Variants in ENTPD1 observed in about 807,000 individuals in gnomAD.
ENTPD1 encodes ectonucleoside triphosphate diphosphohydrolase 1.
ENTPD1 carries 33 observed loss-of-function variants against 57.0 expected under a neutral mutation model. The observed-to-expected ratio is 0.58, with a 90% CI of 0.44 to 0.77. ENTPD1 has a LOEUF of 0.77. ENTPD1 is among the 30% of genes least tolerant of loss of function. ENTPD1 has a pLI of 0.00. For synonymous variants in ENTPD1, 202 were observed against 218.8 expected (o/e 0.92, Z 0.68); for missense variants, 501 against 603.4 (o/e 0.83, Z 1.78).
chr10:95,709,678 T>C (rs6584015), upstream of ENTPD1, among the ~76,000 whole-genome samples: 127,665 of 151,908 alleles, frequency 0.84, 54,201 homozygotes, highest in Non-Finnish European at 0.91. Flanking sequence ...CCACCGGGCC[T>C]GGGCCTCTTG....
intron 1 of ENTPD1, among the ~76,000 whole-genome samples, chr10:95,822,614 T>C (rs1317944145): frequency 6.6e-6 from 1 of 152,166 alleles, no homozygotes; most frequent in Non-Finnish European, 1.5e-5. Flanking sequence ...TTTTATATAA[T>C]TCTACTATTG....
rs2098353324 is a variant in ENTPD1 at position 95,821,949 on chromosome 10, C to T, written c.17-1288C>T. 2.0e-5 allele frequency among the ~76,000 whole-genome samples: 3 copies of T among 150,076 alleles called. No individual in the cohort carries two copies. In the South Asian group the frequency reaches 6.3e-4, roughly 32 times the overall value. On this transcript the variant is annotated intron_variant, in intron 1 of 9. Transcript: ENST00000371205. ...TGGTGCAACCATTTCATTTCCTGTT[C>T]ACTTCCTCTATGCAATCTGTTTACA...
Position 95,872,010 on chromosome 10 carries a change from T to C in ENTPD1, c.*5627T>C. ...CTCCTCCTGTGTTTTACATGATTAA[T>C]GCCACCCCTGCCTCAATGAACCAAG... On this transcript the variant is annotated 3_prime_UTR_variant, in exon 10 of 10. Transcript: ENST00000371205. 1.0e-6 allele frequency: 1 copy of C among 985,434 alleles called. No homozygotes were observed. Among genetic ancestry groups the C allele is most frequent in the Non-Finnish European group, 1.2e-6 (1 of 829,928 alleles). 61.0% of individuals were successfully genotyped at this position (985,434 alleles called of 1,614,324 possible).
chr10:95,851,267 TG>T lies in ENTPD1; in HGVS notation c.1074+3562del, dbSNP rs951746770. 7.0e-4 allele frequency among the ~76,000 whole-genome samples: 106 copies of T among 152,006 alleles called. 1 individual carries two copies. The highest frequency in any genetic ancestry group is 2.5e-3 in the African/African-American group (103 of 41,530). On this transcript the variant is annotated intron_variant, in intron 7 of 9. Coordinates refer to ENST00000371205, the MANE Select transcript of ENTPD1 (RefSeq NM_001776.6). Reference sequence around the variant, plus strand: ...TTATATTTATTTATATTTATATTTTTGTTGGTACAAAAGTAATTGTGGTTTC... The same window carrying T: ...TTATATTTATTTATATTTATATTTTTTTGGTACAAAAGTAATTGTGGTTTC...
chr10:95,728,740 C>T (rs983198709), intron 1 of ENTPD1, among the ~76,000 whole-genome samples: 4 of 152,148 alleles, frequency 2.6e-5, no homozygotes, highest in Non-Finnish European at 5.9e-5. Flanking sequence ...AACACTTGAG[C>T]TCCCCACAAT....
chr10:95,713,139 C>G (rs1375383748), intron 1 of ENTPD1, among the ~76,000 whole-genome samples: 1 of 151,768 alleles, frequency 6.6e-6, no homozygotes, highest in Non-Finnish European at 1.5e-5. Context: ...CCTCCATATG[C>G]TCTCAAGGAA....
chr10:95,702,449 T>C, the ENTPD1 span, among the ~76,000 whole-genome samples: 1 of 151,876 alleles, frequency 6.6e-6, no homozygotes, highest in Non-Finnish European at 1.5e-5. Flanking sequence ...AGATCTAGTA[T>C]AAAACATGGG....
chr10:95,718,767 T>C (rs989425084), intron 1 of ENTPD1, among the ~76,000 whole-genome samples: 3 of 152,244 alleles, frequency 2.0e-5, no homozygotes, highest in African/African-American at 7.2e-5. Flanking sequence ...ACCCCACTTT[T>C]CGAAGTCCTT....
chr10:95,760,601 CATT>C (rs1057040200), intron 1 of ENTPD1, among the ~76,000 whole-genome samples: 2 of 152,054 alleles, frequency 1.3e-5, no homozygotes, highest in Non-Finnish European at 2.9e-5. Context: ...TTTTATAAAT[CATT>C]GTGATTGGTA....
chr10:95,877,191 T>C lies in ENTPD1; in HGVS notation c.*10808T>C, dbSNP rs1390526129. 6.6e-6 allele frequency among the ~76,000 whole-genome samples: 1 copy of C among 152,250 alleles called. No homozygotes were observed. Among genetic ancestry groups the C allele is most frequent in the Non-Finnish European group, 1.5e-5 (1 of 68,040 alleles). On this transcript the variant is annotated 3_prime_UTR_variant, in exon 10 of 10. Transcript: ENST00000371205. ...GAGAAGGTGGAAAATGCAAATTATA[T>C]ACTTTAAAATGTAATTTTTGCTTTT...
chr10:95,846,273 G>T (rs907563149), intron 6 of ENTPD1: 2 of 152,802 alleles, frequency 1.3e-5, no homozygotes, highest in Non-Finnish European at 2.9e-5. Context: ...CAGCTACTTG[G>T]GAGGCTGAGA....
chr10:95,755,738 G>A, upstream of ENTPD1: 1 of 1,537,188 alleles, frequency 6.5e-7, no homozygotes, highest in Non-Finnish European at 8.7e-7. Context: ...AACTGTTCTT[G>A]ACTTTCAGTT....
intron 1 of ENTPD1, among the ~76,000 whole-genome samples, chr10:95,749,924 A>C (rs982037443): frequency 5.3e-5 from 8 of 152,216 alleles, no homozygotes; most frequent in Non-Finnish European, 8.8e-5. Flanking sequence ...GAAGAGTAGA[A>C]TCTGGGAGGA....
At chr10:95,776,093 A>G (rs1334380553) in intron 1 of ENTPD1, among the ~76,000 whole-genome samples, 1 of 152,076 alleles carries the variant, frequency 6.6e-6, no homozygotes, top group African/African-American at 2.4e-5. Context: ...ACTATATCCA[A>G]TTTGCCAGTC....
Position 95,866,602 on chromosome 10 carries a change from C to A in ENTPD1, c.*219C>A. On this transcript the variant is annotated 3_prime_UTR_variant, in exon 10 of 10. Transcript: ENST00000371205. ...GATACTGTCTCTTTCATGAGTTTTT[C>A]CCAGCTACACCTTTCTCCTTTGTAC... is the stretch of plus-strand genomic sequence containing the variant. 7.1e-7 allele frequency: 1 copy of A among 1,400,506 alleles called. No individual in the cohort carries two copies. Among genetic ancestry groups the A allele is most frequent in the Non-Finnish European group, 9.3e-7 (1 of 1,078,776 alleles). 86.8% of individuals were successfully genotyped at this position (1,400,506 alleles called of 1,614,324 possible). A position where few individuals can be genotyped will look rare whatever the true frequency, so the allele number is the denominator to read the frequency against.
At chr10:95,774,764 T>A (rs1466864327) in intron 1 of ENTPD1, among the ~76,000 whole-genome samples, 1 of 152,250 alleles carries the variant, frequency 6.6e-6, no homozygotes, top group African/African-American at 2.4e-5. Flanking sequence ...TCAGGTAGTG[T>A]GATGCTTCCA....
In ENTPD1 at chr10:95,875,424, T is replaced by G. The variant is rs2141040168; in HGVS notation, c.*9041T>G. The G allele has an allele frequency of 6.6e-6, 1 of 152,600 alleles. No individual in the cohort carries two copies. Among genetic ancestry groups the G allele is most frequent in the Admixed American group, 6.5e-5 (1 of 15,310 alleles). The allele number at this position is 152,600 out of a possible 1,614,324, so 9.5% of individuals were successfully genotyped here. A position where few individuals can be genotyped will look rare whatever the true frequency, so the allele number is the denominator to read the frequency against. On this transcript the variant is annotated 3_prime_UTR_variant, in exon 10 of 10. Transcript: ENST00000371205. ...TCCCAACAAGGTCTTCATCTCCATC[T>G]GAGACCACCTCAGCCTGGACCTTAT...
chr10:95,794,208 T>A (rs1160418092), intron 1 of ENTPD1, among the ~76,000 whole-genome samples: 2 of 152,146 alleles, frequency 1.3e-5, no homozygotes, highest in Non-Finnish European at 2.9e-5. Flanking sequence ...TTATTATTAT[T>A]TTTTAGAGTT....
Position 95,870,611 on chromosome 10 carries a change from G to A in ENTPD1, c.*4228G>A. 2 of 985,422 alleles carry A rather than the reference G, an allele frequency of 2.0e-6. No homozygotes were observed. Among genetic ancestry groups the A allele is most frequent in the Non-Finnish European group, 2.4e-6 (2 of 829,916 alleles). The allele number at this position is 985,422 out of a possible 1,614,324, so 61.0% of individuals were successfully genotyped here. A position where few individuals can be genotyped will look rare whatever the true frequency, so the allele number is the denominator to read the frequency against. On this transcript the variant is annotated 3_prime_UTR_variant, in exon 10 of 10. Coordinates refer to ENST00000371205, the MANE Select transcript of ENTPD1 (RefSeq NM_001776.6). ...ATATTTTAATAGCTCACAGAACAAA[G>A]TTTGCCACATAATGATAAAATTACT...
Sources: allele counts gnomAD v4.1 joint callset (sites outside exome capture counted in the v4.1 genomes callset), GRCh38; gene constraint gnomAD v4.1.1; transcripts MANE v1.5; gene names NCBI Gene and HGNC (gene_info 2026-07-23, HGNC 2026-07-21).